TTLL8: variants seen among roughly 807,000 people sequenced by gnomAD.
TTLL8 encodes the protein tubulin tyrosine ligase like 8, also known as protein monoglycylase TTLL8.
Under a neutral mutation model 77.8 loss-of-function variants are expected in TTLL8, and 65 were observed. The observed-to-expected ratio is 0.84, with a 90% CI of 0.68 to 1.03. The LOEUF (loss-of-function observed/expected upper bound fraction) is 1.03, where lower values mean the gene tolerates loss of function less well. Among genes scored for constraint, TTLL8 ranks in the 50% least tolerant of loss-of-function variants. TTLL8 has a pLI of 0.00. For missense variants in TTLL8, 910 were observed against 1,004.5 expected, an observed-to-expected ratio of 0.91 and a Z score of 1.27; for synonymous variants, 402 against 422.8, an observed-to-expected ratio of 0.95 and a Z score of 0.60.
intron 8 of TTLL8, among the ~76,000 whole-genome samples, chr22:50,040,559 C>T (rs578074471): frequency 6.6e-6 from 1 of 152,302 alleles, no homozygotes; most frequent in South Asian, 2.1e-4. Flanking sequence ...GGACTGGAAA[C>T]GTTTTGTGTC....
At chr22:50,055,151 C>T, upstream of TTLL8, 1 of 1,248,420 alleles carries the variant, frequency 8.0e-7, no homozygotes, top group African/African-American at 1.6e-5. Flanking sequence ...CGTCAGAGGC[C>T]AGATGGACAG....
chr22:50,038,162 G>A lies in TTLL8; in HGVS notation c.921+3025C>T, dbSNP rs564637890. On this transcript the variant is annotated intron_variant, in intron 8 of 13. Transcript: ENST00000266182. Reference sequence around the variant, plus strand: ...TTGTGTTTTTAGAATTTCGTTTCACGATTTGTTGCTAGAACACAGAAATAT... The same window carrying A: ...TTGTGTTTTTAGAATTTCGTTTCACAATTTGTTGCTAGAACACAGAAATAT... Among the ~76,000 whole-genome samples, 451 of 152,230 alleles carry A rather than the reference G, an allele frequency of 3.0e-3. 3 individuals carry two copies. Among genetic ancestry groups the A allele is most frequent in the Non-Finnish European group, 5.1e-3 (345 of 68,012 alleles).
rs2061319190 is a variant in TTLL8, at chr22:50,034,212, GC to G, written c.1039+132del. On this transcript the variant is annotated intron_variant, in intron 9 of 13. Transcript: ENST00000266182. This position sits in a 1 kb window ranked among gnomAD's most constrained non-coding sequence, Gnocchi z 4.1. Reference sequence around the variant, plus strand: ...CCAGCGCCTGAGTCCTGACCCCCACGCCTGCCTCGGCGTTCTGCTCCCTCCC... The same window carrying G: ...CCAGCGCCTGAGTCCTGACCCCCACGCTGCCTCGGCGTTCTGCTCCCTCCC... The G allele has an allele frequency of 8.8e-7, 1 of 1,136,696 alleles. No homozygotes were observed. Among genetic ancestry groups the G allele is most frequent in the African/African-American group, 1.6e-5 (1 of 61,656 alleles). 70.4% of individuals were successfully genotyped at this position (1,136,696 alleles called of 1,614,324 possible).
intron 1 of TTLL8, among the ~76,000 whole-genome samples, chr22:50,052,513 C>T (rs73429531): frequency 0.054 from 8,186 of 152,230 alleles, 356 homozygotes; most frequent in African/African-American, 0.13. Context: ...AGATAACAGA[C>T]ACACCTGAAT....
upstream of TTLL8, chr22:50,055,036 G>A: frequency 1.5e-6 from 1 of 648,136 alleles, no homozygotes; most frequent in Non-Finnish European, 1.9e-6. Context: ...CTCCAGCCTG[G>A]GCAACAAAGC....
At chr22:50,026,935 T>C (rs1417443607) in intron 12 of TTLL8, among the ~76,000 whole-genome samples, 1 of 152,158 alleles carries the variant, frequency 6.6e-6, no homozygotes, top group Non-Finnish European at 1.5e-5. Flanking sequence ...TGGAAAACTT[T>C]ATTTAAAAAA....
intron 12 of TTLL8, among the ~76,000 whole-genome samples, chr22:50,020,661 A>ATG (rs2061190267): frequency 8.4e-6 from 1 of 119,502 alleles, no homozygotes; most frequent in African/African-American, 3.2e-5. Context: ...ATCTGACAAC[A>ATG]TGCACTCCTC....
At chr22:50,021,508 G>A (rs34394484) in intron 12 of TTLL8, among the ~76,000 whole-genome samples, 3,884 of 123,802 alleles carry the variant, frequency 0.031, 68 homozygotes, top group Middle Eastern at 0.07. Context: ...ATCTGATGAC[G>A]TGCACTCCTC....
chr22:50,046,663 G>A (rs1215439438), intron 4 of TTLL8, among the ~76,000 whole-genome samples: 2 of 152,232 alleles, frequency 1.3e-5, no homozygotes, highest in Non-Finnish European at 2.9e-5. Context: ...CCTGCTGAGA[G>A]GGACCTCTGT....
At chr22:50,047,594 A>G (rs1601935565) in intron 3 of TTLL8, among the ~76,000 whole-genome samples, 1 of 152,202 alleles carries the variant, frequency 6.6e-6, no homozygotes. Context: ...GGGACGTGCC[A>G]CTTGCCGAGG....
Position 50,044,740 on chromosome 22 carries a change from G to A in TTLL8, c.643+515C>T, listed in dbSNP as rs898315210. Among the ~76,000 whole-genome samples, 5 of 152,318 alleles carry A rather than the reference G, an allele frequency of 3.3e-5. No individual in the cohort carries two copies. In the East Asian group the frequency reaches 7.7e-4, roughly 24 times the overall value. On this transcript the variant is annotated intron_variant, in intron 6 of 13. Coordinates refer to ENST00000266182, the Ensembl canonical transcript of TTLL8. The surrounding 1 kb of genome is among the most constrained non-coding windows in gnomAD (Gnocchi z 4.2). ...TAAATCTTGTACCCTCTGCTCAGCT[G>A]TGCTGTGAACCTAAAACTGCTCTAG...
exon 4 of TTLL8, chr22:50,047,271 G>A (rs376911928): frequency 8.0e-6 from 11 of 1,367,436 alleles, no homozygotes; most frequent in East Asian, 4.5e-5. Context: ...GAGGAGGTAC[G>A]GCATCTCATT....
At chr22:50,029,505 G>T (rs2061269083) in intron 12 of TTLL8, among the ~76,000 whole-genome samples, 1 of 151,746 alleles carries the variant, frequency 6.6e-6, no homozygotes, top group Non-Finnish European at 1.5e-5. Flanking sequence ...ACCTTGGGAG[G>T]CTGAGGCGGC....
chr22:50,051,282 C>T (rs1244610737), intron 1 of TTLL8, among the ~76,000 whole-genome samples: 3 of 152,188 alleles, frequency 2.0e-5, no homozygotes, highest in South Asian at 2.1e-4. Flanking sequence ...TGAGAACAAG[C>T]GATATTTGGT....
upstream of TTLL8, among the ~76,000 whole-genome samples, chr22:50,057,461 G>GT (rs2061483222): frequency 2.7e-5 from 3 of 111,430 alleles, no homozygotes; most frequent in Non-Finnish European, 3.8e-5. Context: ...GGTCTGGGTT[G>GT]GGGGATCAGG....
intron 8 of TTLL8, among the ~76,000 whole-genome samples, chr22:50,037,898 A>G (rs1298659245): frequency 6.6e-6 from 1 of 152,136 alleles, no homozygotes; most frequent in Non-Finnish European, 1.5e-5. Context: ...CTGCCCCCCA[A>G]CAAAAAAAAT....
chr22:50,057,572 G>A (rs1183558681), upstream of TTLL8, among the ~76,000 whole-genome samples: 1 of 85,532 alleles, frequency 1.2e-5, no homozygotes, highest in African/African-American at 4.6e-5. Flanking sequence ...TCTGGGTTGG[G>A]GTCAGGTCTG....
Position 50,023,564 on chromosome 22 carries a change from C to A in TTLL8, c.2203+6866G>T, listed in dbSNP as rs571575303. ...GCTGGGCGTGGTAGTGTGCGCCTGT[C>A]ATCCCAGCTACTCAGGAGGCTGAGG... On this transcript the variant is annotated intron_variant, in intron 12 of 13. Coordinates refer to ENST00000266182, the Ensembl canonical transcript of TTLL8. 3.9e-3 allele frequency among the ~76,000 whole-genome samples: 586 copies of A among 151,976 alleles called. 6 individuals are homozygous for A. Among genetic ancestry groups the A allele is most frequent in the African/African-American group, 0.014 (567 of 41,444 alleles).
At chr22:50,046,299 G>A (rs1008832081) in intron 4 of TTLL8, among the ~76,000 whole-genome samples, 9 of 152,166 alleles carry the variant, frequency 5.9e-5, no homozygotes, top group African/African-American at 1.9e-4. Flanking sequence ...GCCCCCAAAC[G>A]GGCCACAGGG....
Sources: allele counts gnomAD v4.1 joint callset (sites outside exome capture counted in the v4.1 genomes callset), GRCh38; gene constraint gnomAD v4.1.1; non-coding constraint Gnocchi (gnomAD v3.1); transcripts MANE v1.5; gene names NCBI Gene and HGNC (gene_info 2026-07-23, HGNC 2026-07-21).